The following PVT1 variants were observed in gnomAD, a reference collection of about 807,000 sequenced individuals.
The protein encoded by PVT1 is Pvt1 oncogene.
At chr8:128,045,631 T>C (rs1813602461) in intron 4 of PVT1, among the ~76,000 whole-genome samples, 1 of 152,140 alleles carries the variant, frequency 6.6e-6, no homozygotes, top group African/African-American at 2.4e-5. Flanking sequence ...CCAGAAGACT[T>C]TGGAAGGGTG....
intron 2 of PVT1, among the ~76,000 whole-genome samples, chr8:127,844,034 G>T (rs1466272415): frequency 1.3e-5 from 2 of 151,660 alleles, no homozygotes; most frequent in African/African-American, 2.4e-5. Context: ...CCAGGCTGTA[G>T]TGCAGTGGCG....
intron 2 of PVT1, among the ~76,000 whole-genome samples, chr8:127,828,175 G>A (rs867481597): frequency 6.6e-6 from 1 of 152,292 alleles, no homozygotes. Context: ...GTACATTTCA[G>A]TCAAGCCGAG....
chr8:128,074,542 G>GT (rs1814058662), intron 5 of PVT1, among the ~76,000 whole-genome samples: 2 of 150,932 alleles, frequency 1.3e-5, no homozygotes, highest in Non-Finnish European at 3.0e-5. Context: ...AAAAAGGGGG[G>GT]GGCTCCTTCC....
At chr8:128,090,230 G>A (rs1348532889) in intron 5 of PVT1, among the ~76,000 whole-genome samples, 1 of 152,190 alleles carries the variant, frequency 6.6e-6, no homozygotes, top group Non-Finnish European at 1.5e-5. Flanking sequence ...CCTGACTGGA[G>A]TTTTTACTTT....
At chr8:128,071,985 C>A (rs895202508) in intron 5 of PVT1, among the ~76,000 whole-genome samples, 13 of 152,090 alleles carry the variant, frequency 8.5e-5, no homozygotes, top group Non-Finnish European at 5.9e-5. Context: ...GTATATTGCA[C>A]CTGCTCACAG....
At chr8:127,864,701 C>G (rs1250654025) in intron 2 of PVT1, among the ~76,000 whole-genome samples, 1 of 152,142 alleles carries the variant, frequency 6.6e-6, no homozygotes, top group Non-Finnish European at 1.5e-5. Context: ...GCGCCCACCA[C>G]CACGCCCGGC....
At chr8:127,986,222 C>T (rs892577783) in intron 3 of PVT1, among the ~76,000 whole-genome samples, 1 of 152,198 alleles carries the variant, frequency 6.6e-6, no homozygotes, top group Non-Finnish European at 1.5e-5. Context: ...TGATATTCTG[C>T]TGGCAGAGAG....
intron 2 of PVT1, among the ~76,000 whole-genome samples, chr8:127,797,955 A>G (rs1814416321): frequency 6.6e-6 from 1 of 152,202 alleles, no homozygotes; most frequent in Non-Finnish European, 1.5e-5. Context: ...GATTTGGACC[A>G]CAGTCTTCGA....
At position 127,823,517 on chromosome 8, in the gene PVT1, C is replaced by T. The variant is rs150400120; in HGVS notation, n.372+27446C>T. On this transcript the variant is annotated intron_variant and non_coding_transcript_variant, in intron 2 of 10. Coordinates refer to ENST00000651587, the Ensembl canonical transcript of PVT1. ...TTCTGCCTGTCCTTAGCCCTGTTTC[C>T]CAGAGTGAATCAGGGACAGGTCAGT... Among the ~76,000 whole-genome samples, 260 of 152,238 alleles carry T rather than the reference C, an allele frequency of 1.7e-3. 1 individual carries two copies. Among genetic ancestry groups the T allele is most frequent in the African/African-American group, 5.9e-3 (245 of 41,542 alleles).
intron 2 of PVT1, among the ~76,000 whole-genome samples, chr8:127,858,021 T>C (rs1024737350): frequency 6.6e-6 from 1 of 152,202 alleles, no homozygotes; most frequent in South Asian, 2.1e-4. Flanking sequence ...TGGAGTGCTG[T>C]CAGGGATCCA....
intron 2 of PVT1, among the ~76,000 whole-genome samples, chr8:127,851,681 A>G (rs111646438): frequency 2.6e-5 from 4 of 152,032 alleles, no homozygotes; most frequent in African/African-American, 9.7e-5. Flanking sequence ...GCCTTTCAGG[A>G]GGGTGAATCT....
At chr8:127,958,966 C>T (rs1472270262) in intron 3 of PVT1, among the ~76,000 whole-genome samples, 1 of 151,070 alleles carries the variant, frequency 6.6e-6, no homozygotes, top group Non-Finnish European at 1.5e-5. Flanking sequence ...GTCACGGTCA[C>T]AGCACCAAGA....
At chr8:128,024,518 C>T (rs537131268) in intron 4 of PVT1, among the ~76,000 whole-genome samples, 2 of 152,108 alleles carry the variant, frequency 1.3e-5, no homozygotes, top group Admixed American at 1.3e-4. Flanking sequence ...CCCAGCTGCT[C>T]AGGAGGCTAA....
At chr8:128,066,157 G>A (rs535670886) in intron 4 of PVT1, among the ~76,000 whole-genome samples, 1 of 152,178 alleles carries the variant, frequency 6.6e-6, no homozygotes, top group Non-Finnish European at 1.5e-5. Context: ...ACCTGAAAGG[G>A]GATATACTTA....
chr8:127,843,911 G>A lies in PVT1; in HGVS notation n.373-46678G>A, dbSNP rs1815001149. ...CCAAAGCTGCTAAGTCCTGTGGCAG[G>A]GGATTGTTGATATTCTTCATGGTTT... On this transcript the variant is annotated intron_variant and non_coding_transcript_variant, in intron 2 of 10. Transcript: ENST00000651587. 8.5e-5 allele frequency among the ~76,000 whole-genome samples: 13 copies of A among 152,164 alleles called. No individual in the cohort carries two copies. In the South Asian group the frequency reaches 2.7e-3, roughly 32 times the overall value.
At chr8:127,976,741 G>GTC (rs1191086404) in intron 3 of PVT1, among the ~76,000 whole-genome samples, 30 of 152,282 alleles carry the variant, frequency 2.0e-4, no homozygotes, top group African/African-American at 6.3e-4. Context: ...GAGCCTCAGG[G>GTC]AGGTGCTCGT....
intron 2 of PVT1, among the ~76,000 whole-genome samples, chr8:127,812,240 AAGGAAGGCAGGAAGGCAGGAAGGC>A (rs1164337193): frequency 5.5e-5 from 7 of 127,720 alleles, no homozygotes; most frequent in East Asian, 2.1e-4. Flanking sequence ...GGCAGGAAGG[AAGGAAGGCAGGAAGGCAGGAAGGC>A]AGGAAGGAAG....
chr8:128,012,014 T>A (rs796226398), intron 4 of PVT1, among the ~76,000 whole-genome samples: 11 of 152,342 alleles, frequency 7.2e-5, no homozygotes, highest in African/African-American at 2.4e-4. Context: ...TCTTTGGGAC[T>A]TGTGAGCTCA....
intron 3 of PVT1, among the ~76,000 whole-genome samples, chr8:127,915,558 G>A (rs1423473174): frequency 1.4e-5 from 2 of 142,500 alleles, no homozygotes. Context: ...GTTGTGGTGA[G>A]CCGAGATTGC....
Sources: gnomAD v4.1 joint callset for allele counts (sites outside exome capture counted in the v4.1 genomes callset) on GRCh38, gnomAD v4.1.1 for gene constraint, MANE v1.5 for transcripts, NCBI Gene and HGNC (gene_info 2026-07-23, HGNC 2026-07-21) for gene names.